PLXNC1: variants seen among roughly 807,000 people sequenced by gnomAD.
PLXNC1 encodes plexin-C1.
A neutral mutation model predicts 178.2 loss-of-function variants in PLXNC1; 75 were observed. The observed-to-expected ratio is 0.42, with a 90% confidence interval of 0.35 to 0.51. PLXNC1 has a LOEUF of 0.51. Ranked by LOEUF, PLXNC1 falls within the 20% of genes least tolerant of loss-of-function variation. The probability of loss-of-function intolerance (pLI) is 0.02; values close to 1 mark genes in which losing one functional copy is unlikely to be tolerated. For synonymous variants in PLXNC1, 790 were observed against 779.9 expected (o/e 1.01, Z -0.22); for missense variants, 1,503 against 1,984.4 (o/e 0.76, Z 4.61).
intron 1 of PLXNC1, among the ~76,000 whole-genome samples, chr12:94,164,049 A>G (rs1045983888): frequency 2.6e-5 from 4 of 152,170 alleles, no homozygotes; most frequent in Non-Finnish European, 4.4e-5. Context: ...ACTGAGGTTC[A>G]GGAGACTTAA....
At chr12:94,181,366 G>A (rs3794221) in intron 2 of PLXNC1, 80 bp from the exon 3 acceptor site, 61,225 of 954,618 alleles carry the variant, frequency 0.064, 2,837 homozygotes, top group East Asian at 0.2. Context: ...CCAGCCTGGC[G>A]ACAGAGCGAG....
chr12:94,156,858 CCA>C (rs60225146), intron 1 of PLXNC1, among the ~76,000 whole-genome samples: 74 of 152,140 alleles, frequency 4.9e-4, no homozygotes, highest in African/African-American at 1.7e-3. Context: ...CAGGCACACA[CCA>C]CCATGCCAGG....
Position 94,186,554 on chromosome 12 carries a change from G to A in PLXNC1, c.1439+81G>A, listed in dbSNP as rs1962516330. 1.3e-5 allele frequency: 11 copies of A among 861,238 alleles called. No individual in the cohort carries two copies. In the South Asian group the frequency reaches 1.5e-4, roughly 12 times the overall value. The allele number at this position is 861,238 out of a possible 1,614,324, so 53.3% of individuals were successfully genotyped here. A position where few individuals can be genotyped will look rare whatever the true frequency, so the allele number is the denominator to read the frequency against. ...AGAACACTTGTTGCCCTACTTTAACGATCCATTCCAGTGACCTGAGGGAAC... is the reference window on the plus strand; with the variant it reads ...AGAACACTTGTTGCCCTACTTTAACAATCCATTCCAGTGACCTGAGGGAAC... On this transcript the variant is annotated intron_variant, in intron 4 of 30. Coordinates refer to ENST00000258526, the MANE Select transcript of PLXNC1 (RefSeq NM_005761.3).
intron 15 of PLXNC1, among the ~76,000 whole-genome samples, chr12:94,253,308 C>T (rs1964753123): frequency 6.6e-6 from 1 of 150,626 alleles, no homozygotes. Flanking sequence ...CAGGCAGTTG[C>T]CAGTGTCTCC....
chr12:94,253,003 C>G (rs7300063), intron 15 of PLXNC1, among the ~76,000 whole-genome samples: 87,956 of 151,774 alleles, frequency 0.58, 25,822 homozygotes, highest in East Asian at 0.76. Context: ...ACGAGGTCAG[C>G]AGATCGAGAC....
chr12:94,220,614 A>G (rs1963767216), intron 6 of PLXNC1, among the ~76,000 whole-genome samples: 1 of 152,230 alleles, frequency 6.6e-6, no homozygotes, highest in Non-Finnish European at 1.5e-5. Flanking sequence ...TACTAGGGAT[A>G]CAGTGACTCC....
At chr12:94,245,677 T>C (rs1449079351) in intron 12 of PLXNC1, among the ~76,000 whole-genome samples, 6 of 152,016 alleles carry the variant, frequency 3.9e-5, no homozygotes, top group Admixed American at 2.0e-4. Context: ...GCCTGCAGTA[T>C]GGAGTGGGGT....
intron 4 of PLXNC1, among the ~76,000 whole-genome samples, chr12:94,187,575 A>G (rs1962563033): frequency 6.6e-6 from 1 of 152,238 alleles, no homozygotes; most frequent in Admixed American, 6.5e-5. Context: ...AAGGGCCAGA[A>G]AAATGCTCAT....
intron 20 of PLXNC1, among the ~76,000 whole-genome samples, chr12:94,261,661 C>T (rs1313691007): frequency 6.6e-6 from 1 of 152,180 alleles, no homozygotes; most frequent in Non-Finnish European, 1.5e-5. Context: ...GATTCTTATC[C>T]TTTAATTTTA....
At chr12:94,237,853 T>A in intron 10 of PLXNC1, 50 bp downstream of exon 10, 1 of 1,585,032 alleles carries the variant, frequency 6.3e-7, no homozygotes, top group Non-Finnish European at 8.6e-7. Flanking sequence ...CGCTCAAACC[T>A]GTGCCAAAGG....
intron 4 of PLXNC1, among the ~76,000 whole-genome samples, chr12:94,190,594 A>G (rs1464178143): frequency 6.6e-6 from 1 of 152,160 alleles, no homozygotes; most frequent in Non-Finnish European, 1.5e-5. Flanking sequence ...CGCTCCAAGA[A>G]GAGTGATTCA....
chr12:94,298,531 A>C, intron 26 of PLXNC1, 101 bp from the exon 27 acceptor site: 1 of 981,218 alleles, frequency 1.0e-6, no homozygotes. Flanking sequence ...CCCTGTTTTG[A>C]ACATTATTTT....
At chr12:94,297,507 A>G in intron 26 of PLXNC1, 84 bp downstream of exon 26, 1 of 934,368 alleles carries the variant, frequency 1.1e-6, no homozygotes, top group South Asian at 1.5e-5. Flanking sequence ...AAGTGTGAAA[A>G]TGTTACAAAT....
At chr12:94,248,828 C>T (rs966627348) in intron 14 of PLXNC1, among the ~76,000 whole-genome samples, 1 of 152,172 alleles carries the variant, frequency 6.6e-6, no homozygotes, top group Non-Finnish European at 1.5e-5. Context: ...GCATTAGAAT[C>T]AGATGGAGAC....
At chr12:94,201,748 CTTTTTTTTTTTTTTTTTTTTTTTTT>C (rs10529488) in intron 4 of PLXNC1, among the ~76,000 whole-genome samples, 3,231 of 54,532 alleles carry the variant, frequency 0.059, 107 homozygotes, top group Middle Eastern at 0.1. Context: ...CTTCCCACTA[CTTTTTTTTTTTTTTTTTTTTTTTTT>C]TTTTTTTTTT....
chr12:94,186,595 C>T (rs1295052087), intron 4 of PLXNC1, 122 bp downstream of exon 4: 1 of 667,574 alleles, frequency 1.5e-6, no homozygotes, highest in African/African-American at 1.8e-5. Context: ...TCTTCCTCGA[C>T]TAAAATCTTG....
Position 94,259,624 on chromosome 12 carries a change from C to A in PLXNC1, c.3141C>A (p.Asn1047Lys). 1 of 1,606,068 alleles carries A rather than the reference C, an allele frequency of 6.2e-7. No individual in the cohort carries two copies. Among genetic ancestry groups the A allele is most frequent in the Non-Finnish European group, 8.5e-7 (1 of 1,175,614 alleles). Residue 1047 changes from asparagine (N) to lysine (K), a missense_variant, in exon 19 of 31, where the codon AAC (asparagine) becomes AAA (lysine). Asn to Lys is a moderately conservative substitution (Grantham distance 94). Transcript: ENST00000258526. ...FTEDMHNRDA[N>K]DKNESLTALD... The stretch of plus-strand genomic sequence containing the variant: ...CTTTTTATCAGAACAGAGACGCCAA[C>A]GACAAGAATGAAAGTCTCACAGCTT...
Position 94,149,958 on chromosome 12 carries a change from C to A in PLXNC1, c.987C>A (p.Cys329Ter). Residue 329 changes from cysteine (C) to a stop codon, truncating the protein, a stop_gained, in exon 1 of 31, where the codon TGC (cysteine) becomes TGA (stop). Coordinates refer to ENST00000258526, the MANE Select transcript of PLXNC1 (RefSeq NM_005761.3). LOFTEE classifies it high-confidence loss of function. The part of the protein sequence containing the change: ...ERRSPTTTAL[C>*]LFRMSEIQAR... Reference sequence around the variant, plus strand: ...GCTCCCCCACCACCACGGCGCTCTGCCTCTTCAGAATGAGTGAGATCCAGG... The same window carrying A: ...GCTCCCCCACCACCACGGCGCTCTGACTCTTCAGAATGAGTGAGATCCAGG... The A allele has an allele frequency of 6.3e-7, 1 of 1,590,680 alleles. No homozygotes were observed. Among genetic ancestry groups the A allele is most frequent in the South Asian group, 1.1e-5 (1 of 87,858 alleles).
intron 21 of PLXNC1, among the ~76,000 whole-genome samples, chr12:94,272,705 G>A (rs1965649288): frequency 6.6e-6 from 1 of 152,212 alleles, no homozygotes; most frequent in Non-Finnish European, 1.5e-5. Flanking sequence ...ACTGAATCTG[G>A]AGCATACTGG....
Sources: allele counts gnomAD v4.1 joint callset (sites outside exome capture counted in the v4.1 genomes callset), GRCh38; gene constraint gnomAD v4.1.1; transcripts MANE v1.5; gene names NCBI Gene and HGNC (gene_info 2026-07-23, HGNC 2026-07-21).